The following TRIM54 variants were observed in gnomAD, a reference collection of about 807,000 sequenced individuals.
TRIM54 encodes the protein tripartite motif-containing protein 54.
In TRIM54, 40 loss-of-function variants were observed where a neutral mutation model predicts 42.0. The observed-to-expected ratio is 0.95, with a 90% confidence interval of 0.74 to 1.24. TRIM54 has a LOEUF of 1.24. TRIM54 is among the 50% of genes most tolerant of loss of function. The pLI, the probability that TRIM54 is intolerant of heterozygous loss-of-function variation, is 0.00. For synonymous variants in TRIM54, 199 were observed against 194.9 expected (o/e 1.02, Z -0.17); for missense variants, 485 against 480.3 (o/e 1.01, Z -0.09).
At chr2:27,290,325 C>T (rs1678685142) in intron 1 of TRIM54, among the ~76,000 whole-genome samples, 1 of 152,166 alleles carries the variant, frequency 6.6e-6, no homozygotes, top group East Asian at 1.9e-4. Context: ...TTAACTAACA[C>T]ATTAAAGAAT....
intron 3 of TRIM54, among the ~76,000 whole-genome samples, chr2:27,303,055 A>G (rs1022951973): frequency 6.6e-6 from 1 of 152,192 alleles, no homozygotes; most frequent in South Asian, 2.1e-4. Context: ...AGAATTTTCA[A>G]ATTATATTGC....
chr2:27,285,787 T>C (rs1030133246), intron 1 of TRIM54, among the ~76,000 whole-genome samples: 10 of 152,372 alleles, frequency 6.6e-5, no homozygotes, highest in African/African-American at 2.4e-4. Context: ...ATTTAAATAA[T>C]CTGTCCTCTA....
At chr2:27,295,399 C>A (rs1229397694) in intron 1 of TRIM54, among the ~76,000 whole-genome samples, 1 of 152,030 alleles carries the variant, frequency 6.6e-6, no homozygotes, top group South Asian at 2.1e-4. Flanking sequence ...CTCCACCTCC[C>A]GGGTTCAAGC....
chr2:27,306,458 G>A lies in TRIM54; in HGVS notation c.994G>A (p.Ala332Thr), dbSNP rs772619318. The change falls in exon 8 of 9, where the codon GCT becomes ACT. Residue 332 changes from alanine (A) to threonine (T), a missense_variant and splice_region_variant. Physicochemically the swap from Ala to Thr is moderately conservative, Grantham distance 58. Coordinates refer to ENST00000380075, the MANE Select transcript of TRIM54 (RefSeq NM_187841.3). The surrounding 1 kb of genome is among the most constrained non-coding windows in gnomAD (Gnocchi z 6.1). The part of the protein sequence containing the change: ...MLRTIDFQPG[A>T]SGEEEEVAPD... ...CACCAGGCCTTCCTTGGGCTCAGGCGCTTCCGGGGAGGAAGAGGAGGTGGC... is the reference window on the plus strand; with the variant it reads ...CACCAGGCCTTCCTTGGGCTCAGGCACTTCCGGGGAGGAAGAGGAGGTGGC... 8.1e-6 allele frequency: 13 copies of A among 1,598,258 alleles called. No individual in the cohort carries two copies. Among genetic ancestry groups the A allele is most frequent in the African/African-American group, 5.4e-5 (4 of 74,588 alleles).
intron 4 of TRIM54, 86 bp from the exon 5 acceptor site, chr2:27,305,498 G>A: frequency 8.9e-7 from 1 of 1,129,066 alleles, no homozygotes; most frequent in African/African-American, 1.5e-5. Context: ...GTCACTTTCT[G>A]TGTTGGTTCT....
chr2:27,303,886 A>T (rs1025748776), intron 3 of TRIM54, among the ~76,000 whole-genome samples: 1 of 152,172 alleles, frequency 6.6e-6, no homozygotes, highest in African/African-American at 2.4e-5. Context: ...AAGATGAAAA[A>T]TTTTAAAAAC....
At chr2:27,283,546 A>G (rs1008356447) in intron 1 of TRIM54, among the ~76,000 whole-genome samples, 2 of 152,204 alleles carry the variant, frequency 1.3e-5, no homozygotes, top group East Asian at 3.9e-4. Context: ...AAAGAAATTT[A>G]CTTCTCAGAA....
chr2:27,300,870 A>G (rs1397935336), intron 3 of TRIM54, among the ~76,000 whole-genome samples: 1 of 152,084 alleles, frequency 6.6e-6, no homozygotes, highest in Non-Finnish European at 1.5e-5. Context: ...TGTCTCAAAA[A>G]CAAACATACA....
chr2:27,283,859 G>A (rs909804432), intron 1 of TRIM54, among the ~76,000 whole-genome samples: 4 of 151,478 alleles, frequency 2.6e-5, no homozygotes, highest in Non-Finnish European at 5.9e-5. Flanking sequence ...ATATGGCCAG[G>A]TGCAGTGGCT....
rs1331024379 is a variant in TRIM54 at position 27,299,367 on chromosome 2, A to C, written c.464A>C (p.His155Pro). The change falls in exon 3 of 9, where the codon CAC becomes CCC. Residue 155 changes from histidine to proline, a missense_variant. Physicochemically the swap from His to Pro is moderately conservative, Grantham distance 77 (BLOSUM62 -2). Transcript: ENST00000380075. ...TCSLCKVFGA[H>P]KDCEVAPLPT... ...TCTCTCTGCAAGGTCTTCGGTGCCC[A>C]CAAGGACTGTGAGGTGGCCCCACTG... The C allele has an allele frequency of 6.2e-7, 1 of 1,614,142 alleles. No homozygotes were observed. The highest frequency in any genetic ancestry group is 1.3e-5 in the African/African-American group (1 of 75,044).
chr2:27,305,066 C>G lies in TRIM54; in HGVS notation c.609+12C>G. On this transcript the variant is annotated intron_variant, in intron 4 of 8. Coordinates refer to ENST00000380075, the MANE Select transcript of TRIM54 (RefSeq NM_187841.3). Reference sequence around the variant, plus strand: ...GCCAGACTATCGAGGTGAGCCTGGGCTGGAGGGAGGGAGGAACAGCAACTG... The same window carrying G: ...GCCAGACTATCGAGGTGAGCCTGGGGTGGAGGGAGGGAGGAACAGCAACTG... 1 of 1,611,096 alleles carries G rather than the reference C, an allele frequency of 6.2e-7. No homozygotes were observed. Among genetic ancestry groups the G allele is most frequent in the Non-Finnish European group, 8.5e-7 (1 of 1,177,946 alleles).
chr2:27,298,441 A>G, intron 1 of TRIM54, 126 bp from the exon 2 acceptor site: 1 of 695,568 alleles, frequency 1.4e-6, no homozygotes. Context: ...CCAGCCACAG[A>G]GAAGAGCTGA....
At chr2:27,298,776 G>C in intron 2 of TRIM54, 37 bp downstream of exon 2, 2 of 1,604,590 alleles carry the variant, frequency 1.2e-6, no homozygotes, top group Non-Finnish European at 1.7e-6. Context: ...CTCATGACAG[G>C]GCTTGGGACA....
chr2:27,302,383 T>G (rs1188774436), intron 3 of TRIM54, among the ~76,000 whole-genome samples: 1 of 150,960 alleles, frequency 6.6e-6, no homozygotes, highest in East Asian at 2.0e-4. Flanking sequence ...GAGGCAGAGC[T>G]TGCAGTGAGC....
Position 27,306,217 on chromosome 2 carries a change from G to C in TRIM54, c.871G>C (p.Gly291Arg). ...GAGTCCGTGTGGCCACTGCAGGGTCGGGGCCATGTCGAAGGTGGAGCTGGC... is the reference window on the plus strand; with the variant it reads ...GAGTCCGTGTGGCCACTGCAGGGTCCGGGCCATGTCGAAGGTGGAGCTGGC... ...QQAKELINKV[G>R]AMSKVELAGR... Residue 291 changes from glycine to arginine, a missense_variant, in exon 7 of 9, where the codon GGG (glycine) becomes CGG (arginine). Transcript: ENST00000380075. This position sits in a 1 kb window ranked among gnomAD's most constrained non-coding sequence, Gnocchi z 6.1. The C allele has an allele frequency of 6.2e-7, 1 of 1,614,088 alleles. No individual in the cohort carries two copies. Among genetic ancestry groups the C allele is most frequent in the Non-Finnish European group, 8.5e-7 (1 of 1,180,016 alleles).
At chr2:27,305,888 G>C in intron 5 of TRIM54, 71 bp downstream of exon 5, 3 of 1,426,304 alleles carry the variant, frequency 2.1e-6, no homozygotes, top group Non-Finnish European at 2.9e-6. Context: ...GGAGTCCCGG[G>C]TTCAAGTCTT....
intron 3 of TRIM54, among the ~76,000 whole-genome samples, chr2:27,304,429 T>A (rs1363142012): frequency 6.0e-3 from 9 of 1,504 alleles, no homozygotes; most frequent in East Asian, 0.017. Flanking sequence ...AAAAAAAATT[T>A]AAAAAAAAAT....
chr2:27,287,094 C>T (rs922049170), intron 1 of TRIM54, among the ~76,000 whole-genome samples: 6 of 152,210 alleles, frequency 3.9e-5, no homozygotes, highest in African/African-American at 1.4e-4. Context: ...GCTTAGCACT[C>T]CTGGATTCTC....
At chr2:27,292,724 C>T (rs115441719) in intron 1 of TRIM54, among the ~76,000 whole-genome samples, 1,526 of 152,222 alleles carry the variant, frequency 0.01, 28 homozygotes, top group African/African-American at 0.035. Context: ...CCCTACTCCC[C>T]CTCCTTCCAG....
Sources: gnomAD v4.1 joint callset for allele counts (sites outside exome capture counted in the v4.1 genomes callset) on GRCh38, gnomAD v4.1.1 for gene constraint, Gnocchi (gnomAD v3.1) non-coding constraint, MANE v1.5 for transcripts, NCBI Gene and HGNC (gene_info 2026-07-23, HGNC 2026-07-21) for gene names.